The following XKR5 variants were observed in gnomAD, a reference collection of about 807,000 sequenced individuals.
The protein encoded by XKR5 is XK related 5, also known as XK-related protein 5.
In XKR5, 46 loss-of-function variants were observed where a neutral mutation model predicts 40.8. The ratio of observed to expected loss-of-function variants is 1.13; its 90% CI spans 0.89 to 1.44. XKR5 has a LOEUF of 1.44. XKR5 is among the 40% of genes most tolerant of loss of function. The pLI is 0.00. For synonymous variants in XKR5, 466 were observed against 356.1 expected (o/e 1.31, Z -3.48); for missense variants, 1,169 against 844.7 (o/e 1.38, Z -4.76).
At chr8:6,834,980 C>G (rs923960109) in intron 1 of XKR5, among the ~76,000 whole-genome samples, 1 of 152,200 alleles carries the variant, frequency 6.6e-6, no homozygotes, top group African/African-American at 2.4e-5. Context: ...CTCCAAGTCG[C>G]AGGGTCCCCC....
At position 6,823,509 on chromosome 8, in the gene XKR5, A is replaced by C; in HGVS notation, c.637+12T>G. ...TGCAGCAACAGATGACCAGATCATT[A>C]GCTCAGCTCACCTGCAACCACAAAA... On this transcript the variant is annotated intron_variant, in intron 4 of 6. Transcript: ENST00000618742. 3 of 1,573,662 alleles carry C rather than the reference A, an allele frequency of 1.9e-6. No individual in the cohort carries two copies. The highest frequency in any genetic ancestry group is 2.6e-6 in the Non-Finnish European group (3 of 1,159,000).
chr8:6,826,969 G>C (rs1455041715), intron 2 of XKR5, among the ~76,000 whole-genome samples: 3 of 152,196 alleles, frequency 2.0e-5, no homozygotes, highest in Admixed American at 6.5e-5. Context: ...CAAGAAAGAA[G>C]TCAGAACATG....
intron 2 of XKR5, among the ~76,000 whole-genome samples, chr8:6,832,022 AAAAAAAAAAAAAAC>A (rs1268410715): frequency 2.6e-4 from 37 of 143,770 alleles, no homozygotes; most frequent in African/African-American, 9.4e-4. Flanking sequence ...CTCAAAAAAA[AAAAAAAAAAAAAAC>A]AAACCTAACA....
At chr8:6,831,126 C>A (rs552920142) in intron 2 of XKR5, among the ~76,000 whole-genome samples, 1 of 152,208 alleles carries the variant, frequency 6.6e-6, no homozygotes, top group Non-Finnish European at 1.5e-5. Context: ...TCATGCCTTA[C>A]GACTGTGATG....
chr8:6,821,815 A>C (rs1457148525), intron 5 of XKR5, 54 bp downstream of exon 5: 2 of 1,539,488 alleles, frequency 1.3e-6, no homozygotes, highest in Non-Finnish European at 1.8e-6. Context: ...ACCCACACAC[A>C]CCCCACTTGC....
At chr8:6,822,974 C>G (rs947163445) in intron 4 of XKR5, among the ~76,000 whole-genome samples, 2 of 152,208 alleles carry the variant, frequency 1.3e-5, no homozygotes, top group African/African-American at 4.8e-5. Flanking sequence ...TTGTACCTCC[C>G]TCCTGTTTCA....
At position 6,835,510 on chromosome 8, in the gene XKR5, G is replaced by A. The variant is rs533948503; in HGVS notation, c.-17C>T. Reference sequence around the variant, plus strand: ...CGCGTGCATCTTCCGTGCCGACCCCGCAGCCTGCGCCCGCCCCTTCCCCTG... The same window carrying A: ...CGCGTGCATCTTCCGTGCCGACCCCACAGCCTGCGCCCGCCCCTTCCCCTG... On this transcript the variant is annotated 5_prime_UTR_variant, in exon 1 of 7. Coordinates refer to ENST00000618742, the MANE Select transcript of XKR5 (RefSeq NM_207411.5). 4 of 1,491,360 alleles carry A rather than the reference G, an allele frequency of 2.7e-6. No individual in the cohort carries two copies. Among genetic ancestry groups the A allele is most frequent in the African/African-American group, 2.9e-5 (2 of 69,216 alleles). 92.4% of individuals were successfully genotyped at this position (1,491,360 alleles called of 1,614,324 possible).
chr8:6,809,637 G>A lies in XKR5; in HGVS notation c.*1561C>T, dbSNP rs919350950. ...TTGTATGGAAAGTTTGTAGCCACTT[G>A]TCTGCATCCCCGATTGGCTTATGTG... On this transcript the variant is annotated 3_prime_UTR_variant, in exon 7 of 7. Coordinates refer to ENST00000618742, the MANE Select transcript of XKR5 (RefSeq NM_207411.5). 3.3e-5 allele frequency: 5 copies of A among 152,182 alleles called. No homozygotes were observed. The highest frequency in any genetic ancestry group is 1.2e-4 in the African/African-American group (5 of 41,436). The allele number at this position is 152,182 out of a possible 1,614,324, so 9.4% of individuals were successfully genotyped here. A position where few individuals can be genotyped will look rare whatever the true frequency, so the allele number is the denominator to read the frequency against.
chr8:6,817,889 C>G (rs1297841986), intron 5 of XKR5, among the ~76,000 whole-genome samples: 1 of 152,194 alleles, frequency 6.6e-6, no homozygotes, highest in Non-Finnish European at 1.5e-5. Flanking sequence ...TGTTTCTGCT[C>G]CCAGCAAGTG....
intron 2 of XKR5, among the ~76,000 whole-genome samples, chr8:6,831,900 G>T (rs2741096): frequency 1.3e-5 from 2 of 150,436 alleles, no homozygotes; most frequent in South Asian, 2.1e-4. Flanking sequence ...CTGTAGTCCC[G>T]CCTACTCAAC....
Position 6,822,057 on chromosome 8 carries a change from C to G in XKR5, c.638-19G>C. ...TGGGCACCTGCAGAGAAGCCGGGTG[C>G]AGACGTCAGGGTCCATGCAAGGAGA... On this transcript the variant is annotated intron_variant, in intron 4 of 6. Coordinates refer to ENST00000618742, the MANE Select transcript of XKR5 (RefSeq NM_207411.5). 2 of 1,593,078 alleles carry G rather than the reference C, an allele frequency of 1.3e-6. No individual in the cohort carries two copies. The highest frequency in any genetic ancestry group is 4.5e-5 in the East Asian group (2 of 44,166).
intron 5 of XKR5, 87 bp from the exon 6 acceptor site, chr8:6,816,005 C>G (rs372641735): frequency 1.0e-6 from 1 of 971,784 alleles, no homozygotes; most frequent in African/African-American, 1.6e-5. Flanking sequence ...GCGGCTCCCC[C>G]TCCCCTCCAT....
Position 6,823,522 on chromosome 8 carries a change from T to G in XKR5, c.636A>C (p.Ala212=). The change falls in exon 4 of 7, where the codon GCA becomes GCC. Residue 212 remains alanine (A), a splice_region_variant and synonymous_variant. Transcript: ENST00000618742. ...GACCAGATCATTAGCTCAGCTCACC[T>G]GCAACCACAAAAACCCAAAAGTGGT... ...KAYHFWVFVV[A]GAHWLVMTFW... 6.3e-7 allele frequency: 1 copy of G among 1,582,712 alleles called. No individual in the cohort carries two copies. The highest frequency in any genetic ancestry group is 8.6e-7 in the Non-Finnish European group (1 of 1,164,106).
intron 6 of XKR5, 73 bp from the exon 7 acceptor site, chr8:6,812,412 G>A: frequency 1.4e-6 from 2 of 1,431,096 alleles, no homozygotes; most frequent in Non-Finnish European, 9.2e-7. Context: ...TGCAGTTTCA[G>A]GTTCTGGCCC....
rs542263122 is a variant in XKR5, at chr8:6,827,108, G to A, written c.243-1759C>T. Among the ~76,000 whole-genome samples the A allele has an allele frequency of 6.7e-4, 102 of 152,152 alleles. 1 individual carries two copies. Among genetic ancestry groups the A allele is most frequent in the African/African-American group, 2.4e-3 (99 of 41,502 alleles). ...AGATCCACATAGAACCCATGACCAC[G>A]AAGCCACTCCCCACCACACCAGCGG... On this transcript the variant is annotated intron_variant, in intron 2 of 6. Coordinates refer to ENST00000618742, the MANE Select transcript of XKR5 (RefSeq NM_207411.5).
Position 6,822,252 on chromosome 8 carries a change from C to G in XKR5, c.638-214G>C, listed in dbSNP as rs1804275666. Among the ~76,000 whole-genome samples, 4 of 152,340 alleles carry G rather than the reference C, an allele frequency of 2.6e-5. No individual in the cohort carries two copies. In the South Asian group the frequency reaches 8.3e-4, roughly 32 times the overall value. ...CCCATTTTATCCTTATAAAGGGTATCTGACCTAATTTGAATATGACACAAG... is the reference window on the plus strand; with the variant it reads ...CCCATTTTATCCTTATAAAGGGTATGTGACCTAATTTGAATATGACACAAG... On this transcript the variant is annotated intron_variant, in intron 4 of 6. Coordinates refer to ENST00000618742, the MANE Select transcript of XKR5 (RefSeq NM_207411.5).
At chr8:6,834,184 C>G (rs923462420) in intron 1 of XKR5, among the ~76,000 whole-genome samples, 1 of 152,164 alleles carries the variant, frequency 6.6e-6, no homozygotes. Flanking sequence ...GTAGAGGCAC[C>G]GCACACAGGC....
chr8:6,809,243 A>G lies in XKR5; in HGVS notation c.*1955T>C, dbSNP rs897850238. The G allele has an allele frequency of 6.6e-6, 1 of 152,204 alleles. No individual in the cohort carries two copies. The highest frequency in any genetic ancestry group is 2.4e-5 in the African/African-American group (1 of 41,408). The allele number at this position is 152,204 out of a possible 1,614,324, so 9.4% of individuals were successfully genotyped here. Reference sequence around the variant, plus strand: ...GAGAGACTGCATGGAGGAAGGACTGAGATGCTGGGATAGCACAGTGAATGG... The same window carrying G: ...GAGAGACTGCATGGAGGAAGGACTGGGATGCTGGGATAGCACAGTGAATGG... On this transcript the variant is annotated 3_prime_UTR_variant, in exon 7 of 7. Transcript: ENST00000618742.
intron 1 of XKR5, among the ~76,000 whole-genome samples, chr8:6,834,850 G>A (rs973018324): frequency 5.9e-5 from 9 of 151,798 alleles, no homozygotes; most frequent in African/African-American, 1.9e-4. Flanking sequence ...TGCGACGGAG[G>A]TGGCCTCGAA....
Sources: allele counts gnomAD v4.1 joint callset (sites outside exome capture counted in the v4.1 genomes callset), GRCh38; gene constraint gnomAD v4.1.1; transcripts MANE v1.5; gene names NCBI Gene and HGNC (gene_info 2026-07-23, HGNC 2026-07-21).